Variants in SNX29 observed in about 807,000 individuals in gnomAD.
SNX29 encodes sorting nexin-29.
A neutral mutation model predicts 102.1 loss-of-function variants in SNX29; 78 were observed. That is an observed-to-expected ratio of 0.76 (90% confidence interval 0.64 to 0.92). SNX29 has a LOEUF of 0.92. SNX29 is among the 40% of genes least tolerant of loss of function. SNX29 has a pLI of 0.00. For synonymous variants in SNX29, 580 were observed against 414.5 expected, an observed-to-expected ratio of 1.40 and a Z score of -4.85; for missense variants, 1,280 against 1,061.7, an observed-to-expected ratio of 1.21 and a Z score of -2.86.
chr16:12,562,602 G>T (rs187469058), intron 20 of SNX29, among the ~76,000 whole-genome samples: 4 of 152,188 alleles, frequency 2.6e-5, no homozygotes, highest in African/African-American at 9.7e-5. Context: ...GACAAAGGTC[G>T]CTGGCTCTTG....
chr16:12,539,164 A>T (rs970181333), intron 20 of SNX29, among the ~76,000 whole-genome samples: 3 of 152,174 alleles, frequency 2.0e-5, no homozygotes, highest in Non-Finnish European at 4.4e-5. Flanking sequence ...GCTCTTGTTC[A>T]TGTCTGTGAA....
chr16:12,153,804 T>A (rs1390896155), intron 13 of SNX29, among the ~76,000 whole-genome samples: 1 of 152,096 alleles, frequency 6.6e-6, no homozygotes, highest in Non-Finnish European at 1.5e-5. Context: ...ATGGTGAGCT[T>A]TTTGAATGCA....
chr16:12,483,324 T>C (rs12598080), intron 19 of SNX29, among the ~76,000 whole-genome samples: 53 of 147,950 alleles, frequency 3.6e-4, no homozygotes, highest in Non-Finnish European at 6.5e-4. Context: ...CTTTTCTTTT[T>C]TTTTTTTTTT....
At chr16:12,567,636 C>T (rs1267568610) in intron 20 of SNX29, among the ~76,000 whole-genome samples, 3 of 152,112 alleles carry the variant, frequency 2.0e-5, no homozygotes, top group Non-Finnish European at 2.9e-5. Context: ...GTGGCTAGTA[C>T]CTATAGTCCC....
At position 12,282,846 on chromosome 16, in the gene SNX29, A is replaced by T. The variant is rs973255505; in HGVS notation, c.1782+4810A>T. ...AATTTTTTGTATTTTTAGTAGAGAC[A>T]GGGTTTCATCGTGTTGGCCAGGCTG... On this transcript the variant is annotated intron_variant, in intron 15 of 20. Coordinates refer to ENST00000566228, the MANE Select transcript of SNX29 (RefSeq NM_032167.5). 2.6e-5 allele frequency among the ~76,000 whole-genome samples: 4 copies of T among 152,104 alleles called. No homozygotes were observed. In the East Asian group the frequency reaches 7.7e-4, roughly 29 times the overall value.
At chr16:12,550,590 C>T (rs555977473) in intron 20 of SNX29, among the ~76,000 whole-genome samples, 5 of 150,514 alleles carry the variant, frequency 3.3e-5, no homozygotes, top group South Asian at 4.2e-4. Flanking sequence ...CCGGTGCATA[C>T]ATACGTGCTT....
chr16:12,571,862 G>A lies in SNX29; in HGVS notation c.*3233G>A, dbSNP rs1024151646. 9.4e-7 allele frequency: 1 copy of A among 1,061,452 alleles called. No homozygotes were observed. Among genetic ancestry groups the A allele is most frequent in the African/African-American group, 1.6e-5 (1 of 60,820 alleles). The allele number at this position is 1,061,452 out of a possible 1,614,324, so 65.8% of individuals were successfully genotyped here. On this transcript the variant is annotated 3_prime_UTR_variant, in exon 21 of 21. Coordinates refer to ENST00000566228, the MANE Select transcript of SNX29 (RefSeq NM_032167.5). ...TATGCTCCAATCACGTTGCTGGCAA[G>A]GCATTTTAGAGTTTGGAGCTGAGGT...
At chr16:12,260,801 G>C (rs1031727368) in intron 14 of SNX29, among the ~76,000 whole-genome samples, 2 of 151,412 alleles carry the variant, frequency 1.3e-5, no homozygotes, top group Non-Finnish European at 2.9e-5. Context: ...CCCCCGGCTG[G>C]AGGGAGTGTT....
At chr16:12,255,540 T>TC (rs2078546994) in intron 14 of SNX29, among the ~76,000 whole-genome samples, 1 of 152,010 alleles carries the variant, frequency 6.6e-6, no homozygotes, top group Admixed American at 6.6e-5. Context: ...CCCCCATCTC[T>TC]CCCCTGCCCC....
At chr16:12,422,795 C>T (rs1054619038) in intron 18 of SNX29, among the ~76,000 whole-genome samples, 1 of 152,220 alleles carries the variant, frequency 6.6e-6, no homozygotes, top group Non-Finnish European at 1.5e-5. Flanking sequence ...TTCCTTCAGC[C>T]CCCGACAGAG....
chr16:12,325,317 C>T (rs576689571), intron 15 of SNX29, among the ~76,000 whole-genome samples: 71 of 152,106 alleles, frequency 4.7e-4, no homozygotes, highest in Non-Finnish European at 9.0e-4. Context: ...ACAAGGAAAC[C>T]GCCTAAGAGG....
intron 13 of SNX29, among the ~76,000 whole-genome samples, chr16:12,131,089 G>A (rs2054446595): frequency 6.6e-6 from 1 of 152,320 alleles, no homozygotes; most frequent in East Asian, 1.9e-4. Context: ...CGCCTGGCAC[G>A]GGTGTGAGCC....
At chr16:12,557,102 A>G (rs1297372321) in intron 20 of SNX29, among the ~76,000 whole-genome samples, 1 of 148,348 alleles carries the variant, frequency 6.7e-6, no homozygotes, top group Admixed American at 7.0e-5. Flanking sequence ...AGCTGCCTCA[A>G]CCTCCGAAAG....
At chr16:12,014,803 T>G (rs2056794128) in intron 3 of SNX29, among the ~76,000 whole-genome samples, 2 of 152,004 alleles carry the variant, frequency 1.3e-5, no homozygotes, top group South Asian at 4.2e-4. Flanking sequence ...AAAGATAGGT[T>G]ATTTTTCCAT....
At chr16:12,476,238 C>G (rs1183111804) in intron 18 of SNX29, among the ~76,000 whole-genome samples, 7 of 146,666 alleles carry the variant, frequency 4.8e-5, no homozygotes, top group Non-Finnish European at 1.0e-4. Flanking sequence ...AGGAGAATCG[C>G]TTGAACTTGG....
chr16:12,458,651 C>G (rs530035938), intron 18 of SNX29, among the ~76,000 whole-genome samples: 2 of 152,160 alleles, frequency 1.3e-5, no homozygotes, highest in Non-Finnish European at 2.9e-5. Flanking sequence ...CAGGAAGGAG[C>G]TTTGAATTGT....
chr16:12,300,232 A>G (rs2080123177), intron 15 of SNX29, among the ~76,000 whole-genome samples: 1 of 152,162 alleles, frequency 6.6e-6, no homozygotes, highest in Admixed American at 6.5e-5. Context: ...CGTAATCTCC[A>G]TGTAGTTTTA....
chr16:12,041,413 G>A (rs1224383444), intron 4 of SNX29, among the ~76,000 whole-genome samples: 1 of 152,206 alleles, frequency 6.6e-6, no homozygotes, highest in South Asian at 2.1e-4. Flanking sequence ...TGCCTGGCCT[G>A]ATGTGTTCTT....
At chr16:12,099,265 C>T (rs919041409) in intron 11 of SNX29, among the ~76,000 whole-genome samples, 5 of 152,184 alleles carry the variant, frequency 3.3e-5, no homozygotes, top group African/African-American at 1.2e-4. Context: ...GTGGTCAGCT[C>T]AGCACTAAAC....
Sources: allele counts gnomAD v4.1 joint callset (sites outside exome capture counted in the v4.1 genomes callset), GRCh38; gene constraint gnomAD v4.1.1; transcripts MANE v1.5; gene names NCBI Gene and HGNC (gene_info 2026-07-23, HGNC 2026-07-21).